RYR2: variants seen among roughly 807,000 people sequenced by gnomAD.
RYR2 encodes ryanodine receptor 2.
A neutral mutation model predicts 601.1 loss-of-function variants in RYR2; 227 were observed. That is an observed-to-expected ratio of 0.38 (90% CI 0.34 to 0.42). RYR2 has a LOEUF of 0.42. Among genes scored for constraint, RYR2 ranks in the 10% least tolerant of loss-of-function variants. RYR2 has a pLI of 1.00. For synonymous variants in RYR2, 2,223 were observed against 2,175.1 expected, an observed-to-expected ratio of 1.02 and a Z score of -0.61; for missense variants, 4,646 against 6,156.5, an observed-to-expected ratio of 0.75 and a Z score of 8.21.
At chr1:237,424,035 A>G (rs565972702) in intron 12 of RYR2, among the ~76,000 whole-genome samples, 24 of 152,116 alleles carry the variant, frequency 1.6e-4, no homozygotes, top group Non-Finnish European at 2.8e-4. Flanking sequence ...TAAAAAAACC[A>G]TCAGGTCTCA....
chr1:237,099,262 G>A (rs575949756), intron 1 of RYR2, among the ~76,000 whole-genome samples: 34 of 152,122 alleles, frequency 2.2e-4, no homozygotes, highest in Non-Finnish European at 4.0e-4. Flanking sequence ...ATTTGAGACA[G>A]GGTCTTGTTC....
intron 10 of RYR2, among the ~76,000 whole-genome samples, chr1:237,411,920 G>A (rs946623239): frequency 6.6e-6 from 1 of 152,126 alleles, no homozygotes; most frequent in Non-Finnish European, 1.5e-5. Flanking sequence ...CTTACAATGT[G>A]CAATCTTTCA....
chr1:237,485,777 G>A (rs1572542227), intron 17 of RYR2, among the ~76,000 whole-genome samples: 3 of 152,216 alleles, frequency 2.0e-5, no homozygotes, highest in South Asian at 2.1e-4. Flanking sequence ...GGGAGGAAGC[G>A]GCAGGAATTG....
chr1:237,728,867 G>T (rs1690433837), intron 76 of RYR2, among the ~76,000 whole-genome samples: 1 of 151,928 alleles, frequency 6.6e-6, no homozygotes, highest in Non-Finnish European at 1.5e-5. Flanking sequence ...GGGTTGATAG[G>T]TGCAGCAAAC....
chr1:237,042,325 C>T lies in RYR2; in HGVS notation c.-197C>T, dbSNP rs1008573422. Reference sequence around the variant, plus strand: ...TGCGGAGCAGGGAGGCCCCGCGCCTCGACCACCCGCGCCCGAGCGTCCGCG... The same window carrying T: ...TGCGGAGCAGGGAGGCCCCGCGCCTTGACCACCCGCGCCCGAGCGTCCGCG... On this transcript the variant is annotated 5_prime_UTR_variant, in exon 1 of 105. Transcript: ENST00000366574. 2.9e-4 allele frequency: 92 copies of T among 319,016 alleles called. No homozygotes were observed. The East Asian group carries it at 4.7e-3, about 16-fold the overall frequency. The allele number at this position is 319,016 out of a possible 1,614,324, so 19.8% of individuals were successfully genotyped here. A position where few individuals can be genotyped will look rare whatever the true frequency, so the allele number is the denominator to read the frequency against.
At chr1:237,633,931 G>A (rs1680601958) in intron 43 of RYR2, among the ~76,000 whole-genome samples, 1 of 152,146 alleles carries the variant, frequency 6.6e-6, no homozygotes, top group South Asian at 2.1e-4. Flanking sequence ...ACACCTGTTA[G>A]AATGCCTATT....
At chr1:237,690,145 T>A (rs1292292133) in intron 63 of RYR2, among the ~76,000 whole-genome samples, 1 of 152,176 alleles carries the variant, frequency 6.6e-6, no homozygotes, top group East Asian at 1.9e-4. Flanking sequence ...CCAAATCTTT[T>A]AAGTCTTAAG....
chr1:237,469,579 C>G (rs149316487), intron 17 of RYR2, among the ~76,000 whole-genome samples: 52 of 152,194 alleles, frequency 3.4e-4, no homozygotes, highest in African/African-American at 1.2e-3. Context: ...CCATTTATAT[C>G]TTAAAAAACC....
chr1:237,631,203 T>C (rs1680209555), intron 41 of RYR2, among the ~76,000 whole-genome samples: 1 of 152,216 alleles, frequency 6.6e-6, no homozygotes, highest in African/African-American at 2.4e-5. Context: ...TTTACTATGT[T>C]TATTACAATG....
At chr1:237,521,249 A>C (rs2805430) in intron 24 of RYR2, among the ~76,000 whole-genome samples, 107,230 of 151,748 alleles carry the variant, frequency 0.71, 38,942 homozygotes, top group East Asian at 0.87. Context: ...GGCACAACAA[A>C]AAAGAAAACT....
chr1:237,595,302 T>C (rs963707524), intron 33 of RYR2, among the ~76,000 whole-genome samples, 196 bp from the exon 34 acceptor site: 1 of 152,154 alleles, frequency 6.6e-6, no homozygotes, highest in Non-Finnish European at 1.5e-5. Context: ...TAGAGACTTA[T>C]AAGACCTGAT....
chr1:237,313,823 A>ATAGCATC (rs1203006858), intron 2 of RYR2, among the ~76,000 whole-genome samples: 5 of 152,052 alleles, frequency 3.3e-5, no homozygotes, highest in Non-Finnish European at 7.4e-5. Context: ...TAGATGTTTT[A>ATAGCATC]TAGCATCCTG....
intron 2 of RYR2, among the ~76,000 whole-genome samples, chr1:237,322,852 T>G (rs1383402188): frequency 4.8e-5 from 7 of 146,470 alleles, no homozygotes; most frequent in African/African-American, 5.4e-5. Context: ...GTGTGTGGTG[T>G]TAATTTTTTT....
At position 237,751,878 on chromosome 1, in the gene RYR2, A is replaced by G. The variant is rs1236575086; in HGVS notation, c.11146-4410A>G. Reference sequence around the variant, plus strand: ...CTGAACAAAAAATTAAATGAGCTAAAGCCCACAATTTGATTATTATTTGTA... The same window carrying G: ...CTGAACAAAAAATTAAATGAGCTAAGGCCCACAATTTGATTATTATTTGTA... On this transcript the variant is annotated intron_variant, in intron 80 of 104. Coordinates refer to ENST00000366574, the MANE Select transcript of RYR2 (RefSeq NM_001035.3). Among the ~76,000 whole-genome samples, 4 of 152,356 alleles carry G rather than the reference A, an allele frequency of 2.6e-5. No individual in the cohort carries two copies. The East Asian group carries it at 7.7e-4, about 29-fold the overall frequency.
intron 12 of RYR2, among the ~76,000 whole-genome samples, chr1:237,425,991 T>C (rs1415204269): frequency 6.6e-6 from 1 of 152,026 alleles, no homozygotes; most frequent in Admixed American, 6.6e-5. Context: ...TATGCGATCA[T>C]TATTCTTTAT....
At chr1:237,801,457 G>A (rs1659956220) in intron 97 of RYR2, among the ~76,000 whole-genome samples, 2 of 150,004 alleles carry the variant, frequency 1.3e-5, no homozygotes, top group South Asian at 2.1e-4. Context: ...CACGAGAATC[G>A]CTTGAACCGG....
At chr1:237,225,415 C>T (rs962368196) in intron 1 of RYR2, among the ~76,000 whole-genome samples, 1 of 152,054 alleles carries the variant, frequency 6.6e-6, no homozygotes, top group Non-Finnish European at 1.5e-5. Context: ...TCTTACATGG[C>T]GGCAGACAAG....
At chr1:237,712,149 G>C (rs1688894528) in intron 71 of RYR2, among the ~76,000 whole-genome samples, 1 of 152,098 alleles carries the variant, frequency 6.6e-6, no homozygotes, top group East Asian at 2.0e-4. Flanking sequence ...AGGAGGTAGA[G>C]AGAGCAAGGA....
intron 97 of RYR2, 73 bp downstream of exon 97, chr1:237,798,243 T>G: frequency 1.4e-6 from 2 of 1,381,434 alleles, no homozygotes; most frequent in Non-Finnish European, 2.0e-6. Flanking sequence ...TTTAAACTTG[T>G]GCATTGATTT....
Sources: gnomAD v4.1 joint callset for allele counts (sites outside exome capture counted in the v4.1 genomes callset) on GRCh38, gnomAD v4.1.1 for gene constraint, MANE v1.5 for transcripts, NCBI Gene and HGNC (gene_info 2026-07-23, HGNC 2026-07-21) for gene names.